APAF1: variants seen among roughly 807,000 people sequenced by gnomAD.
The protein encoded by APAF1 is apoptotic protease-activating factor 1.
Under a neutral mutation model 152.4 loss-of-function variants are expected in APAF1, and 91 were observed. The observed-to-expected ratio is 0.60, with a 90% CI of 0.50 to 0.71. The LOEUF (loss-of-function observed/expected upper bound fraction) is 0.71, where lower values mean the gene tolerates loss of function less well. APAF1 is among the 30% of genes least tolerant of loss of function. The probability of loss-of-function intolerance (pLI) is 0.00; values close to 1 mark genes in which losing one functional copy is unlikely to be tolerated. For synonymous variants in APAF1, 484 were observed against 494.1 expected, an observed-to-expected ratio of 0.98 and a Z score of 0.27; for missense variants, 1,283 against 1,472.0, an observed-to-expected ratio of 0.87 and a Z score of 2.10.
chr12:98,648,590 T>A, intron 2 of APAF1, 36 bp from the exon 3 acceptor site: 1 of 1,610,978 alleles, frequency 6.2e-7, no homozygotes, highest in African/African-American at 1.3e-5. Flanking sequence ...GCATACATAT[T>A]CATTGTTGTA....
intron 4 of APAF1, among the ~76,000 whole-genome samples, chr12:98,652,032 C>A (rs1446489803): frequency 6.6e-6 from 1 of 152,140 alleles, no homozygotes; most frequent in African/African-American, 2.4e-5. Context: ...CGAGGTTGGT[C>A]TCGAACTCCT....
intron 5 of APAF1, 100 bp downstream of exon 5, chr12:98,659,443 A>T (rs537655394): frequency 1.6e-6 from 2 of 1,271,972 alleles, no homozygotes; most frequent in South Asian, 1.2e-5. Flanking sequence ...CTGCTGTTCT[A>T]TAGGGAGGAT....
intron 16 of APAF1, among the ~76,000 whole-genome samples, chr12:98,688,327 T>C (rs868686197): frequency 1.3e-5 from 2 of 152,186 alleles, no homozygotes; most frequent in Non-Finnish European, 2.9e-5. Context: ...TTGGTCTACA[T>C]TTTTCCCTCT....
intron 17 of APAF1, among the ~76,000 whole-genome samples, chr12:98,702,078 T>G (rs1205420373): frequency 1.3e-5 from 2 of 152,196 alleles, no homozygotes; most frequent in African/African-American, 4.8e-5. Flanking sequence ...ACATTTTTTT[T>G]TTTTTGAGAT....
In APAF1 at chr12:98,653,702, A is replaced by C. The variant is rs1352307574; in HGVS notation, c.526+4018A>C. The stretch of plus-strand genomic sequence containing the variant: ...AAAAAAAAAAAAAAAATATATATAT[A>C]TATATATATATATATATATATAGTT... On this transcript the variant is annotated intron_variant, in intron 4 of 26. Transcript: ENST00000551964. Among the ~76,000 whole-genome samples the C allele has an allele frequency of 1.0e-4, 11 of 106,966 alleles. 2 individuals are homozygous for C. The highest frequency in any genetic ancestry group is 3.7e-4 in the African/African-American group (11 of 29,412). The allele number at this position is 106,966 out of a possible 152,430, so 70.2% of individuals were successfully genotyped here.
chr12:98,696,569 G>A (rs976693750), intron 16 of APAF1, among the ~76,000 whole-genome samples: 10 of 152,174 alleles, frequency 6.6e-5, no homozygotes, highest in African/African-American at 2.2e-4. Flanking sequence ...AGCTGTATGT[G>A]TTCTCTGCAT....
chr12:98,695,887 T>C (rs1265668568), intron 16 of APAF1, among the ~76,000 whole-genome samples: 2 of 152,206 alleles, frequency 1.3e-5, no homozygotes, highest in African/African-American at 2.4e-5. Context: ...CTGAGTCTTT[T>C]TGGAGTTCTG....
intron 16 of APAF1, among the ~76,000 whole-genome samples, chr12:98,688,288 G>C (rs1011933148): frequency 3.3e-5 from 5 of 151,944 alleles, no homozygotes; most frequent in Admixed American, 1.3e-4. Context: ...TTGGTCTTAA[G>C]ATCAACCCAT....
intron 4 of APAF1, among the ~76,000 whole-genome samples, chr12:98,655,872 C>T (rs2097656835): frequency 6.6e-6 from 1 of 152,042 alleles, no homozygotes; most frequent in Non-Finnish European, 1.5e-5. Context: ...CAAGCTCGGC[C>T]TCCCGGGTTC....
At chr12:98,708,786 A>G in intron 20 of APAF1, 82 bp downstream of exon 20, 1 of 1,397,784 alleles carries the variant, frequency 7.2e-7, no homozygotes, top group Non-Finnish European at 9.9e-7. Flanking sequence ...TGGACTTGAG[A>G]TTAAGCATAA....
At chr12:98,671,224 A>G in intron 11 of APAF1, 138 bp downstream of exon 11, 2 of 682,940 alleles carry the variant, frequency 2.9e-6, no homozygotes, top group Non-Finnish European at 5.0e-6. Flanking sequence ...TGGTTATTCT[A>G]ATTAATTTGC....
Position 98,645,618 on chromosome 12 carries a change from G to C in APAF1, c.-259G>C, listed in dbSNP as rs1380520541. ...ACCTCGCCAACCTTCGGAGGTCCCTGGGGGTCTTCGTGCGCCCCGGGGCTG... is the reference window on the plus strand; with the variant it reads ...ACCTCGCCAACCTTCGGAGGTCCCTCGGGGTCTTCGTGCGCCCCGGGGCTG... On this transcript the variant is annotated 5_prime_UTR_variant, in exon 1 of 27. Coordinates refer to ENST00000551964, the MANE Select transcript of APAF1 (RefSeq NM_181861.2). The C allele has an allele frequency of 6.6e-6, 1 of 152,350 alleles. No individual in the cohort carries two copies. Among genetic ancestry groups the C allele is most frequent in the Non-Finnish European group, 1.5e-5 (1 of 68,140 alleles). 9.4% of individuals were successfully genotyped at this position (152,350 alleles called of 1,614,324 possible). A position where few individuals can be genotyped will look rare whatever the true frequency, so the allele number is the denominator to read the frequency against.
At chr12:98,711,532 T>C (rs1411131309) in intron 20 of APAF1, among the ~76,000 whole-genome samples, 2 of 152,178 alleles carry the variant, frequency 1.3e-5, no homozygotes, top group African/African-American at 2.4e-5. Flanking sequence ...CTACCTGTGA[T>C]TGGTTGACTC....
In APAF1 at chr12:98,723,620, T is replaced by A; in HGVS notation, c.3205-19T>A. ...TCTTAAAAGTGTCAACCTCCAAGTG[T>A]TTTTTTTTTTTTTTTAAGGTATGGA... is the stretch of plus-strand genomic sequence containing the variant. On this transcript the variant is annotated intron_variant, in intron 23 of 26. Coordinates refer to ENST00000551964, the MANE Select transcript of APAF1 (RefSeq NM_181861.2). 1 of 344,310 alleles carries A rather than the reference T, an allele frequency of 2.9e-6. No individual in the cohort carries two copies. The highest frequency in any genetic ancestry group is 4.2e-6 in the Non-Finnish European group (1 of 239,350). 21.3% of individuals were successfully genotyped at this position (344,310 alleles called of 1,614,324 possible).
intron 21 of APAF1, chr12:98,712,705 G>T: frequency 5.2e-6 from 2 of 384,084 alleles, no homozygotes; most frequent in Non-Finnish European, 9.6e-6. Context: ...TGTAGAGATG[G>T]GGTCCCCTGT....
chr12:98,670,486 T>C (rs1027214250), intron 10 of APAF1, among the ~76,000 whole-genome samples: 1 of 152,072 alleles, frequency 6.6e-6, no homozygotes, highest in African/African-American at 2.4e-5. Flanking sequence ...TCTATAAAAA[T>C]AAGGATTGAA....
At position 98,723,313 on chromosome 12, in the gene APAF1, GTAATT is replaced by G; in HGVS notation, c.3204+5_3204+9del. On this transcript the variant is annotated splice_donor_variant and splice_donor_5th_base_variant and intron_variant, in intron 23 of 26. Transcript: ENST00000551964. LOFTEE classifies it high-confidence loss of function. ...TTGGTCATTTGATGGAACAGTGAAGGTAATTTAAAGTATAAATTTGTTTTTTGAAA... is the reference window on the plus strand; with the variant it reads ...TTGGTCATTTGATGGAACAGTGAAGGTAAAGTATAAATTTGTTTTTTGAAA... 1 of 1,612,442 alleles carries G rather than the reference GTAATT, an allele frequency of 6.2e-7. No individual in the cohort carries two copies. The highest frequency in any genetic ancestry group is 1.1e-5 in the South Asian group (1 of 90,960).
chr12:98,696,688 G>A (rs1009251436), intron 16 of APAF1, among the ~76,000 whole-genome samples: 1 of 152,056 alleles, frequency 6.6e-6, no homozygotes, highest in Non-Finnish European at 1.5e-5. Context: ...TAGAGACGGG[G>A]TTTCACCATG....
chr12:98,652,282 A>G (rs1235964105), intron 4 of APAF1, among the ~76,000 whole-genome samples: 1 of 152,188 alleles, frequency 6.6e-6, no homozygotes, highest in East Asian at 1.9e-4. Context: ...ATATACAAAT[A>G]CCAAATTTGA....
Sources: gnomAD v4.1 joint callset for allele counts (sites outside exome capture counted in the v4.1 genomes callset) on GRCh38, gnomAD v4.1.1 for gene constraint, MANE v1.5 for transcripts, NCBI Gene and HGNC (gene_info 2026-07-23, HGNC 2026-07-21) for gene names.